The following ZNF521 variants were observed in gnomAD, a reference collection of about 807,000 sequenced individuals.
The protein encoded by ZNF521 is LYST-interacting protein 3.
A neutral mutation model predicts 105.5 loss-of-function variants in ZNF521; 14 were observed. The observed-to-expected ratio is 0.13, with a 90% CI of 0.09 to 0.21. ZNF521 has a LOEUF of 0.21. Among genes scored for constraint, ZNF521 ranks in the 10% least tolerant of loss-of-function variants. ZNF521 has a pLI of 1.00. For synonymous variants in ZNF521, 635 were observed against 606.0 expected, an observed-to-expected ratio of 1.05 and a Z score of -0.70; for missense variants, 1,233 against 1,629.7, an observed-to-expected ratio of 0.76 and a Z score of 4.19.
Position 25,328,576 on chromosome 18 carries a change from G to A in ZNF521, c.41-6389C>T, listed in dbSNP as rs1438280707. On this transcript the variant is annotated intron_variant, in intron 2 of 7. Coordinates refer to ENST00000361524, the MANE Select transcript of ZNF521 (RefSeq NM_015461.3). ...ATTAATTTTTTTTTTTTTTTGAGAC[G>A]GAGTCTCGCTCTTTGGCTCAGGCCG... 4.1e-5 allele frequency among the ~76,000 whole-genome samples: 6 copies of A among 146,016 alleles called. No homozygotes were observed. In the East Asian group the frequency reaches 1.0e-3, roughly 24 times the overall value.
intron 3 of ZNF521, among the ~76,000 whole-genome samples, chr18:25,267,443 C>T (rs374393203): frequency 2.0e-4 from 30 of 152,322 alleles, no homozygotes; most frequent in African/African-American, 5.8e-4. Flanking sequence ...GTCAGACTGC[C>T]TCCTCAAGGG....
rs767146164 is a variant in ZNF521 at position 25,225,225 on chromosome 18, T to C, written c.2693A>G (p.Glu898Gly). 5 of 1,614,154 alleles carry C rather than the reference T, an allele frequency of 3.1e-6. No individual in the cohort carries two copies. The South Asian group carries it at 5.5e-5, about 18-fold the overall frequency. Residue 898 changes from glutamate to glycine, a missense_variant, in exon 4 of 8, where the codon GAA (glutamate) becomes GGA (glycine). This residue lies in a region of ZNF521 where 614 missense variants were observed against 751.5 expected (regional missense o/e 0.82). Transcript: ENST00000361524. This position sits in a 1 kb window ranked among gnomAD's most constrained non-coding sequence, Gnocchi z 5.6. ...CDICGAAYTMETLLQNHQLRD... is the reference protein window; with the variant it reads ...CDICGAAYTMGTLLQNHQLRD... ...GAGCTGGTGATTCTGCAGCAAAGTT[T>C]CCATAGTGTAGGCTGCCCCACAAAT...
intron 3 of ZNF521, among the ~76,000 whole-genome samples, chr18:25,307,190 C>G (rs1912030818): frequency 6.6e-6 from 1 of 152,190 alleles, no homozygotes; most frequent in Non-Finnish European, 1.5e-5. Flanking sequence ...AATACAATTG[C>G]AAGAGCTTCC....
intron 3 of ZNF521, among the ~76,000 whole-genome samples, chr18:25,319,510 C>T (rs571702858): frequency 1.1e-4 from 17 of 151,714 alleles, no homozygotes; most frequent in East Asian, 5.8e-4. Flanking sequence ...GCAGGAGAAT[C>T]GCTTGAACCC....
intron 5 of ZNF521, among the ~76,000 whole-genome samples, chr18:25,111,029 C>T (rs536030859): frequency 2.0e-5 from 3 of 152,182 alleles, no homozygotes; most frequent in Non-Finnish European, 4.4e-5. Flanking sequence ...TCCCGAAGTG[C>T]TGGAATTACA....
intron 2 of ZNF521, among the ~76,000 whole-genome samples, chr18:25,350,333 G>A (rs1287293839): frequency 6.6e-6 from 1 of 151,964 alleles, no homozygotes; most frequent in African/African-American, 2.4e-5. Context: ...GCCCGCGGCC[G>A]GCGGCCGGGG....
At chr18:25,193,397 C>T (rs1266611760) in intron 5 of ZNF521, among the ~76,000 whole-genome samples, 1 of 151,944 alleles carries the variant, frequency 6.6e-6, no homozygotes, top group African/African-American at 2.4e-5. Context: ...AGTAAGTTTA[C>T]ATTGAATAGA....
At chr18:25,093,942 TC>T (rs2033801357) in intron 5 of ZNF521, among the ~76,000 whole-genome samples, 1 of 152,194 alleles carries the variant, frequency 6.6e-6, no homozygotes, top group Non-Finnish European at 1.5e-5. Flanking sequence ...GGCAAGTGCA[TC>T]TTCAGAAAAA....
At chr18:25,167,560 C>T (rs939426274) in intron 5 of ZNF521, among the ~76,000 whole-genome samples, 2 of 152,076 alleles carry the variant, frequency 1.3e-5, no homozygotes, top group African/African-American at 4.8e-5. Context: ...TTTTTGAAAC[C>T]TCAAAAACCT....
intron 4 of ZNF521, among the ~76,000 whole-genome samples, chr18:25,204,239 C>T (rs1456552562): frequency 6.6e-6 from 1 of 151,998 alleles, no homozygotes; most frequent in East Asian, 1.9e-4. Context: ...CCCTAAACTC[C>T]ATGAAGATAT....
At chr18:25,068,070 C>G (rs1011382961) in intron 7 of ZNF521, among the ~76,000 whole-genome samples, 4 of 152,128 alleles carry the variant, frequency 2.6e-5, no homozygotes, top group Non-Finnish European at 4.4e-5. Context: ...AGCTTTCCAC[C>G]ACTAATTCAC....
rs531090971 is a variant in ZNF521, at chr18:25,288,330, C to G, written c.220+33678G>C. On this transcript the variant is annotated intron_variant, in intron 3 of 7. Coordinates refer to ENST00000361524, the MANE Select transcript of ZNF521 (RefSeq NM_015461.3). Reference sequence around the variant, plus strand: ...ACAAAGATAAATGTATTACAAGCACCACTGTACTACTGCAGAATATGACAG... The same window carrying G: ...ACAAAGATAAATGTATTACAAGCACGACTGTACTACTGCAGAATATGACAG... Among the ~76,000 whole-genome samples, 27 of 152,216 alleles carry G rather than the reference C, an allele frequency of 1.8e-4. No individual in the cohort carries two copies. The South Asian group carries it at 5.6e-3, about 32-fold the overall frequency.
chr18:25,295,282 T>C (rs1370073273), intron 3 of ZNF521, among the ~76,000 whole-genome samples: 1 of 152,222 alleles, frequency 6.6e-6, no homozygotes, highest in Non-Finnish European at 1.5e-5. Flanking sequence ...TCATCTTGTT[T>C]CTTGGGTCAA....
chr18:25,166,438 C>T (rs1216978625), intron 5 of ZNF521, among the ~76,000 whole-genome samples: 1 of 152,092 alleles, frequency 6.6e-6, no homozygotes, highest in African/African-American at 2.4e-5. Context: ...TTCTTGTTAT[C>T]ATTTTGCCAT....
chr18:25,069,615 A>G (rs1210421381), intron 7 of ZNF521, among the ~76,000 whole-genome samples: 13 of 152,210 alleles, frequency 8.5e-5, no homozygotes, highest in Admixed American at 8.5e-4. Context: ...CTTACCAGGT[A>G]AACATCAGGA....
rs765753428 is a variant in ZNF521 at position 25,269,741 on chromosome 18, A to G, written c.221-42044T>C. On this transcript the variant is annotated intron_variant, in intron 3 of 7. Coordinates refer to ENST00000361524, the MANE Select transcript of ZNF521 (RefSeq NM_015461.3). ...GAAATAAAGATGTTCTTTCAAACCA[A>G]TGAGAACAAAGACACAACGTACCAG... 2.9e-4 allele frequency among the ~76,000 whole-genome samples: 44 copies of G among 152,210 alleles called. 1 individual carries two copies. Among genetic ancestry groups the G allele is most frequent in the African/African-American group, 2.4e-5 (1 of 41,456 alleles).
chr18:25,184,422 T>A (rs2144600985), intron 5 of ZNF521, among the ~76,000 whole-genome samples: 1 of 152,294 alleles, frequency 6.6e-6, no homozygotes, highest in African/African-American at 2.4e-5. Flanking sequence ...TAACAATGAT[T>A]ATCTGTCCTC....
chr18:25,086,319 A>G (rs1301159739), intron 7 of ZNF521, among the ~76,000 whole-genome samples: 1 of 152,154 alleles, frequency 6.6e-6, no homozygotes, highest in Non-Finnish European at 1.5e-5. Context: ...ATAAATCAAT[A>G]TTTTAAAATT....
chr18:25,350,983 C>T (rs1441084587), intron 1 of ZNF521, 36 bp from the exon 2 acceptor site: 52 of 1,534,558 alleles, frequency 3.4e-5, no homozygotes, highest in Non-Finnish European at 4.5e-5. Context: ...TCAATTCAGC[C>T]CTGAAAGAAA....
Sources: allele counts gnomAD v4.1 joint callset (sites outside exome capture counted in the v4.1 genomes callset), GRCh38; gene constraint gnomAD v4.1.1; regional missense constraint gnomAD v4.1.1; non-coding constraint Gnocchi (gnomAD v3.1); transcripts MANE v1.5; gene names NCBI Gene and HGNC (gene_info 2026-07-23, HGNC 2026-07-21).